ACYP2: variants seen among roughly 807,000 people sequenced by gnomAD.
ACYP2 encodes the protein acylphosphatase 2.
A neutral mutation model predicts 11.2 loss-of-function variants in ACYP2; 12 were observed. The observed-to-expected ratio is 1.08, with a 90% confidence interval of 0.69 to 1.74. ACYP2 has a LOEUF of 1.74. ACYP2 is among the 40% of genes most tolerant of loss of function. The pLI is 0.00. For synonymous variants in ACYP2, 43 were observed against 32.2 expected, an observed-to-expected ratio of 1.33 and a Z score of -1.13; for missense variants, 134 against 101.9, an observed-to-expected ratio of 1.31 and a Z score of -1.35.
At chr2:54,115,163 T>C (rs1165438274) in intron 4 of ACYP2, among the ~76,000 whole-genome samples, 4 of 152,160 alleles carry the variant, frequency 2.6e-5, no homozygotes, top group African/African-American at 7.2e-5. Context: ...TCCTTAAAAA[T>C]TGATGAGAGT....
chr2:54,046,626 A>G (rs1458580398), intron 2 of ACYP2, among the ~76,000 whole-genome samples: 1 of 152,174 alleles, frequency 6.6e-6, no homozygotes, highest in Non-Finnish European at 1.5e-5. Context: ...AGGTTGAGGC[A>G]TGGGGATAAG....
At chr2:54,188,671 A>G (rs994566258) in intron 6 of ACYP2, among the ~76,000 whole-genome samples, 1 of 152,202 alleles carries the variant, frequency 6.6e-6, no homozygotes, top group Admixed American at 6.5e-5. Flanking sequence ...TTAAAGAAAC[A>G]AACCATACAG....
chr2:53,989,495 TATC>T (rs1317070611), intron 2 of ACYP2, among the ~76,000 whole-genome samples: 2 of 152,156 alleles, frequency 1.3e-5, no homozygotes, highest in Non-Finnish European at 2.9e-5. Flanking sequence ...TTAGGGTACT[TATC>T]ATAATGGACA....
chr2:54,013,623 T>C (rs1573519509), intron 2 of ACYP2, among the ~76,000 whole-genome samples: 1 of 151,622 alleles, frequency 6.6e-6, no homozygotes, highest in East Asian at 1.9e-4. Flanking sequence ...CTTTAACCGA[T>C]GTATTATTTA....
chr2:53,973,907 ATTTTTTTTT>A (rs1205008152), intron 2 of ACYP2: 34 of 41,202 alleles, frequency 8.3e-4, no homozygotes, highest in Non-Finnish European at 1.2e-3. Flanking sequence ...GTGTGTATAT[ATTTTTTTTT>A]TTTTTTTTTT....
rs538295962 is a variant in ACYP2 at position 54,033,479 on chromosome 2, T to A, written c.63-17479T>A. 4.6e-5 allele frequency among the ~76,000 whole-genome samples: 7 copies of A among 152,146 alleles called. No homozygotes were observed. The South Asian group carries it at 1.5e-3, about 32-fold the overall frequency. ...CTTCCTGTCTCAGCCTCCCAGTGAA[T>A]TAAGATTACAGGTGTGAGCCACAAT... is the stretch of plus-strand genomic sequence containing the variant. On this transcript the variant is annotated intron_variant, in intron 2 of 6. Transcript: ENST00000607452.
At chr2:54,243,972 T>C (rs560481512) in intron 6 of ACYP2, among the ~76,000 whole-genome samples, 11 of 152,182 alleles carry the variant, frequency 7.2e-5, no homozygotes, top group African/African-American at 2.6e-4. Flanking sequence ...CTCCAGATTT[T>C]AACAGAAAGC....
At chr2:54,141,989 G>GTGTGTGTA in intron 6 of ACYP2, 1 of 429,960 alleles carries the variant, frequency 2.3e-6, no homozygotes, top group Non-Finnish European at 4.1e-6. Context: ...TAATTTGTGT[G>GTGTGTGTA]TGTGTGTGTG....
intron 6 of ACYP2, chr2:54,255,595 T>A (rs759576559): frequency 1.2e-6 from 2 of 1,613,096 alleles, no homozygotes; most frequent in South Asian, 1.1e-5. Context: ...AGGCCCTGCC[T>A]CCCTGTTTAC....
chr2:54,035,780 A>G (rs1050184786), intron 2 of ACYP2, among the ~76,000 whole-genome samples: 1 of 152,190 alleles, frequency 6.6e-6, no homozygotes, highest in Non-Finnish European at 1.5e-5. Flanking sequence ...TTTCCTTCTT[A>G]TAATTTGTTA....
intron 6 of ACYP2, among the ~76,000 whole-genome samples, chr2:54,176,684 T>C (rs1009127558): frequency 6.6e-6 from 1 of 152,126 alleles, no homozygotes; most frequent in Non-Finnish European, 1.5e-5. Flanking sequence ...CATCCCCACC[T>C]CTACCTTCAC....
At chr2:53,971,729 T>TGAGA (rs1334756930) in intron 1 of ACYP2, among the ~76,000 whole-genome samples, 1 of 152,180 alleles carries the variant, frequency 6.6e-6, no homozygotes, top group Admixed American at 6.5e-5. Context: ...CTAGGGGGTT[T>TGAGA]GAGAGGGTGT....
chr2:53,972,913 A>G (rs1333684699), intron 1 of ACYP2, among the ~76,000 whole-genome samples: 1 of 152,248 alleles, frequency 6.6e-6, no homozygotes, highest in Non-Finnish European at 1.5e-5. Flanking sequence ...CAGGAGGGTG[A>G]TCTAAACTGA....
At chr2:54,168,006 C>T (rs1683068607) in intron 6 of ACYP2, among the ~76,000 whole-genome samples, 1 of 152,168 alleles carries the variant, frequency 6.6e-6, no homozygotes, top group Admixed American at 6.5e-5. Context: ...CCCATTTCTC[C>T]ATCCCAATTA....
At chr2:54,244,607 T>C (rs965215349) in intron 6 of ACYP2, among the ~76,000 whole-genome samples, 2 of 152,240 alleles carry the variant, frequency 1.3e-5, no homozygotes, top group African/African-American at 4.8e-5. Flanking sequence ...TTTTCTTGAT[T>C]TGTCTATTCC....
intron 6 of ACYP2, among the ~76,000 whole-genome samples, chr2:54,146,649 C>G (rs1360049793): frequency 6.6e-6 from 1 of 151,944 alleles, no homozygotes; most frequent in Non-Finnish European, 1.5e-5. Flanking sequence ...GTCTTCCAAC[C>G]TTTCTATTAT....
chr2:54,051,017 C>A lies in ACYP2; in HGVS notation c.122C>A (p.Ser41Tyr). The A allele has an allele frequency of 2.2e-6, 1 of 459,252 alleles. No individual in the cohort carries two copies. Among genetic ancestry groups the A allele is most frequent in the Non-Finnish European group, 3.8e-6 (1 of 262,794 alleles). 28.4% of individuals were successfully genotyped at this position (459,252 alleles called of 1,614,324 possible). A position where few individuals can be genotyped will look rare whatever the true frequency, so the allele number is the denominator to read the frequency against. Reference sequence around the variant, plus strand: ...AGAACTCCTAATGTCAAGCTATCCTCCTGCCTCGGCCTCCCATGCTGTTGG... The same window carrying A: ...AGAACTCCTAATGTCAAGCTATCCTACTGCCTCGGCCTCCCATGCTGTTGG... The change falls in exon 3 of 7, where the codon TCC (serine) becomes TAC (tyrosine). Residue 41 changes from serine to tyrosine, a missense_variant. Ser to Tyr is a moderately radical substitution (Grantham distance 144). Coordinates refer to ENST00000607452, the MANE Select transcript of ACYP2 (RefSeq NM_001320586.2).
rs79938953 is a variant in ACYP2, at chr2:54,035,760, A to G, written c.63-15198A>G. 1.9e-3 allele frequency among the ~76,000 whole-genome samples: 293 copies of G among 152,248 alleles called. 5 individuals are homozygous for G. The East Asian group carries it at 0.03, about 16-fold the overall frequency. The stretch of plus-strand genomic sequence containing the variant: ...CCTGTTGGCACCAGGCTTTTACCCA[A>G]TGGTAGATGTTTCCTTCTTATAATT... On this transcript the variant is annotated intron_variant, in intron 2 of 6. Coordinates refer to ENST00000607452, the MANE Select transcript of ACYP2 (RefSeq NM_001320586.2).
intron 4 of ACYP2, among the ~76,000 whole-genome samples, chr2:54,130,849 A>G (rs1572825660): frequency 6.6e-6 from 1 of 152,136 alleles, no homozygotes; most frequent in South Asian, 2.1e-4. Context: ...CTCTCATCAT[A>G]CTAATTTTTG....
Sources: allele counts gnomAD v4.1 joint callset (sites outside exome capture counted in the v4.1 genomes callset), GRCh38; gene constraint gnomAD v4.1.1; transcripts MANE v1.5; gene names NCBI Gene and HGNC (gene_info 2026-07-23, HGNC 2026-07-21).